Variants in SMG7 observed in about 807,000 individuals in gnomAD.
The protein encoded by SMG7 is SMG7 nonsense mediated mRNA decay factor.
SMG7 carries 34 observed loss-of-function variants against 148.2 expected under a neutral mutation model. That is an observed-to-expected ratio of 0.23 (90% confidence interval 0.17 to 0.31). The LOEUF (loss-of-function observed/expected upper bound fraction) is 0.31, where lower values mean the gene tolerates loss of function less well. SMG7 is among the 10% of genes least tolerant of loss of function. The pLI is 1.00. For missense variants in SMG7, 1,114 were observed against 1,408.4 expected, an observed-to-expected ratio of 0.79 and a Z score of 3.35; for synonymous variants, 492 against 515.1, an observed-to-expected ratio of 0.96 and a Z score of 0.61.
rs1671311439 is a variant in SMG7, at chr1:183,553,074, T to C, written c.*1143T>C. ...GTAGCCCACAGAGGGCCCAGGCCCC[T>C]GCCCAGCTGCAGTCTCCCAGCCTCC... On this transcript the variant is annotated 3_prime_UTR_variant, in exon 23 of 23. Coordinates refer to ENST00000688051, the MANE Select transcript of SMG7 (RefSeq NM_001375584.1). 21 of 1,536,124 alleles carry C rather than the reference T, an allele frequency of 1.4e-5. No homozygotes were observed. The highest frequency in any genetic ancestry group is 1.7e-5 in the Non-Finnish European group (20 of 1,146,934).
At chr1:183,502,012 TCAGA>T (rs1404235679) in intron 1 of SMG7, among the ~76,000 whole-genome samples, 1 of 152,172 alleles carries the variant, frequency 6.6e-6, no homozygotes, top group Non-Finnish European at 1.5e-5. Context: ...CACTCAGTTT[TCAGA>T]CAGTGAGGAA....
chr1:183,540,841 TA>T, intron 12 of SMG7, 142 bp from the exon 13 acceptor site: 2 of 551,588 alleles, frequency 3.6e-6, no homozygotes, highest in Non-Finnish European at 6.3e-6. Flanking sequence ...GTATAAATTC[TA>T]ATAAATGCAG....
intron 12 of SMG7, 97 bp downstream of exon 12, chr1:183,538,537 C>T: frequency 1.2e-6 from 1 of 831,284 alleles, no homozygotes; most frequent in South Asian, 1.4e-5. Flanking sequence ...TTTGATCTGT[C>T]CCAGCTGTGT....
At position 183,533,733 on chromosome 1, in the gene SMG7, C is replaced by T. The variant is rs1667254356; in HGVS notation, c.1064C>T (p.Ser355Phe). 1 of 1,612,494 alleles carries T rather than the reference C, an allele frequency of 6.2e-7. No individual in the cohort carries two copies. The highest frequency in any genetic ancestry group is 1.1e-5 in the South Asian group (1 of 91,054). ...CTACAGAATGAGTCTCAGGAGGAGT[C>T]CTACAATGCCTATCCTCTTCCAGCA... ...CPLQNESQEE[S>F]YNAYPLPAVK... Residue 355 changes from serine (S) to phenylalanine (F), a missense_variant, in exon 10 of 23, where the codon TCC becomes TTC. Physicochemically the swap from Ser to Phe is radical, Grantham distance 155. This residue lies in a region of SMG7 where 102 missense variants were observed against 147.2 expected (regional missense o/e 0.69). Coordinates refer to ENST00000688051, the MANE Select transcript of SMG7 (RefSeq NM_001375584.1).
chr1:183,509,887 G>A (rs1661748881), intron 1 of SMG7, among the ~76,000 whole-genome samples: 1 of 152,082 alleles, frequency 6.6e-6, no homozygotes, highest in African/African-American at 2.4e-5. Context: ...GTTTATCAAT[G>A]GAAGCCTGCT....
At chr1:183,504,480 A>C (rs1660455334) in intron 1 of SMG7, among the ~76,000 whole-genome samples, 1 of 151,900 alleles carries the variant, frequency 6.6e-6, no homozygotes. Flanking sequence ...AGCTGGGATG[A>C]CAGGCACCCG....
intron 1 of SMG7, chr1:183,501,374 A>G (rs576509383): frequency 6.6e-5 from 10 of 152,360 alleles, no homozygotes; most frequent in African/African-American, 1.9e-4. Context: ...GTTTGAACCT[A>G]GGCAGTTTGA....
chr1:183,496,190 G>T (rs1204710499), intron 1 of SMG7, among the ~76,000 whole-genome samples: 2 of 152,102 alleles, frequency 1.3e-5, no homozygotes, highest in Non-Finnish European at 2.9e-5. Flanking sequence ...TCATTTAGTA[G>T]ATCCCCAATA....
Position 183,549,833 on chromosome 1 carries a change from G to C in SMG7, c.3043G>C (p.Glu1015Gln). ...GKNLTSSSKA[E>Q]LSPSMAPQET... Reference sequence around the variant, plus strand: ...AAACCTGACATCCAGCTCCAAAGCAGAACTCAGTCCCTCAATGGCCCCCCA... The same window carrying C: ...AAACCTGACATCCAGCTCCAAAGCACAACTCAGTCCCTCAATGGCCCCCCA... The change falls in exon 20 of 23, where the codon GAA becomes CAA. Residue 1015 changes from glutamate to glutamine, a missense_variant. By Grantham distance (29) the Glu-to-Gln change is conservative. Around this residue, in one of 4 missense-constraint regions of SMG7, gnomAD observed 788 missense variants for 894.5 expected, o/e 0.88. Transcript: ENST00000688051. 1 of 1,613,774 alleles carries C rather than the reference G, an allele frequency of 6.2e-7. No individual in the cohort carries two copies. Among genetic ancestry groups the C allele is most frequent in the African/African-American group, 1.3e-5 (1 of 75,032 alleles).
chr1:183,550,957 A>G lies in SMG7; in HGVS notation c.3304+36A>G, dbSNP rs770535664. On this transcript the variant is annotated intron_variant, in intron 21 of 22. Coordinates refer to ENST00000688051, the MANE Select transcript of SMG7 (RefSeq NM_001375584.1). ...CATTTCATTGCCAGGCAAAATTGAA[A>G]GAATTTACTCTATCCTTCCCTGGGG... 8 of 1,613,816 alleles carry G rather than the reference A, an allele frequency of 5.0e-6. No homozygotes were observed. In the Admixed American group the frequency reaches 1.3e-4, roughly 27 times the overall value.
chr1:183,541,621 G>T (rs1668879900), intron 13 of SMG7, among the ~76,000 whole-genome samples: 1 of 152,192 alleles, frequency 6.6e-6, no homozygotes, highest in Admixed American at 6.5e-5. Context: ...CTCCCCAGTA[G>T]ATTATAACCT....
chr1:183,478,432 T>C (rs183335282), intron 1 of SMG7, among the ~76,000 whole-genome samples: 2 of 152,306 alleles, frequency 1.3e-5, no homozygotes, highest in East Asian at 1.9e-4. Context: ...GCTTGGATAT[T>C]GTCTGACTAA....
intron 1 of SMG7, among the ~76,000 whole-genome samples, chr1:183,495,188 T>A (rs1183191755): frequency 1.3e-5 from 2 of 152,080 alleles, no homozygotes. Flanking sequence ...TATCATTGTT[T>A]TTCAGCGATT....
Position 183,548,546 on chromosome 1 carries a change from A to G in SMG7, c.2893-662A>G, listed in dbSNP as rs12078529. 5.1e-3 allele frequency among the ~76,000 whole-genome samples: 776 copies of G among 152,252 alleles called. 5 individuals carry two copies. The highest frequency in any genetic ancestry group is 0.017 in the African/African-American group (700 of 41,550). ...ACAATGAATAAAAAAAACTTCGACT[A>G]TAACCCTTCCAATATTTAACATTAA... is the stretch of plus-strand genomic sequence containing the variant. On this transcript the variant is annotated intron_variant, in intron 18 of 22. Transcript: ENST00000688051.
intron 2 of SMG7, 25 bp from the exon 3 acceptor site, chr1:183,515,849 T>C: frequency 1.4e-6 from 2 of 1,457,146 alleles, no homozygotes; most frequent in Non-Finnish European, 1.9e-6. Context: ...CTATCTACCG[T>C]TATGTTTTTG....
chr1:183,529,210 A>G (rs958700598), intron 7 of SMG7, among the ~76,000 whole-genome samples, 168 bp downstream of exon 7: 1 of 152,186 alleles, frequency 6.6e-6, no homozygotes, highest in South Asian at 2.1e-4. Context: ...TCCAATCAAT[A>G]TCTGATTCAG....
intron 17 of SMG7, 138 bp from the exon 18 acceptor site, chr1:183,546,965 G>C (rs699246): frequency 0.5 from 414,918 of 823,726 alleles, 106,215 homozygotes; most frequent in East Asian, 0.65. Flanking sequence ...ATTTCAGAGC[G>C]TTTTTTCTCT....
rs922423255 is a variant in SMG7, at chr1:183,493,507, G to A, written c.30-19330G>A. On this transcript the variant is annotated intron_variant, in intron 1 of 22. Transcript: ENST00000688051. ...CAAAGAAGGTGTATTCTTTTGTTGG[G>A]TAAAATGTTCTCTAAATGCCAGTGG... Among the ~76,000 whole-genome samples, 7 of 152,276 alleles carry A rather than the reference G, an allele frequency of 4.6e-5. No homozygotes were observed. In the South Asian group the frequency reaches 1.5e-3, roughly 32 times the overall value.
rs546035641 is a variant in SMG7 at position 183,542,956 on chromosome 1, T to C, written c.1842+454T>C. On this transcript the variant is annotated intron_variant, in intron 14 of 22. Transcript: ENST00000688051. Reference sequence around the variant, plus strand: ...GTGTGTGTGTGTGTGTGTGTGTGTGTGTGTGTGTGTGTGTATTTTTTTTCT... The same window carrying C: ...GTGTGTGTGTGTGTGTGTGTGTGTGCGTGTGTGTGTGTGTATTTTTTTTCT... Among the ~76,000 whole-genome samples the C allele has an allele frequency of 3.0e-4, 46 of 151,296 alleles. 1 individual carries two copies. The South Asian group carries it at 9.4e-3, about 31-fold the overall frequency.
Sources: gnomAD v4.1 joint callset for allele counts (sites outside exome capture counted in the v4.1 genomes callset) on GRCh38, gnomAD v4.1.1 for gene constraint, gnomAD v4.1.1 regional missense constraint, MANE v1.5 for transcripts, NCBI Gene and HGNC (gene_info 2026-07-23, HGNC 2026-07-21) for gene names.